LRBA: variants seen among roughly 807,000 people sequenced by gnomAD.
The protein encoded by LRBA is lipopolysaccharide-responsive and beige-like anchor protein.
LRBA carries 176 observed loss-of-function variants against 330.0 expected under a neutral mutation model. The ratio of observed to expected loss-of-function variants is 0.53; its 90% CI spans 0.47 to 0.60. LRBA has a LOEUF of 0.60. LRBA is among the 20% of genes least tolerant of loss of function. The probability of loss-of-function intolerance (pLI) is 0.00; values close to 1 mark genes in which losing one functional copy is unlikely to be tolerated. For missense variants in LRBA, 3,259 were observed against 3,444.8 expected (o/e 0.95, Z 1.35); for synonymous variants, 1,230 against 1,193.0 (o/e 1.03, Z -0.64).
intron 37 of LRBA, among the ~76,000 whole-genome samples, chr4:150,651,619 GT>G (rs1779716830): frequency 6.6e-6 from 1 of 151,684 alleles, no homozygotes; most frequent in African/African-American, 2.4e-5. Flanking sequence ...GTTCCTAACT[GT>G]ATCAGAGCAC....
chr4:150,829,243 G>A (rs985776409), intron 29 of LRBA, among the ~76,000 whole-genome samples: 2 of 151,988 alleles, frequency 1.3e-5, no homozygotes, highest in Admixed American at 6.6e-5. Context: ...GCCCAAGTCC[G>A]CAATCTTTAG....
intron 35 of LRBA, 41 bp from the exon 36 acceptor site, chr4:150,735,407 C>T (rs1442880389): frequency 1.6e-6 from 2 of 1,244,966 alleles, no homozygotes; most frequent in Non-Finnish European, 2.4e-6. Flanking sequence ...TATGTATACA[C>T]ACACAACATA....
chr4:150,741,371 G>T (rs1271788211), intron 35 of LRBA, among the ~76,000 whole-genome samples: 1 of 152,052 alleles, frequency 6.6e-6, no homozygotes, highest in Non-Finnish European at 1.5e-5. Context: ...CTTCACAAAA[G>T]AAGATTTCCA....
chr4:150,683,804 A>T, intron 36 of LRBA, 87 bp from the exon 37 acceptor site: 1 of 984,258 alleles, frequency 1.0e-6, no homozygotes, highest in Non-Finnish European at 1.5e-6. Context: ...CTAAATCAAA[A>T]CAACCAAAAT....
At chr4:150,958,999 C>T (rs913063285) in intron 2 of LRBA, among the ~76,000 whole-genome samples, 2 of 149,438 alleles carry the variant, frequency 1.3e-5, no homozygotes, top group Admixed American at 6.6e-5. Flanking sequence ...GTAACTTCCA[C>T]ATTTTCAGGT....
chr4:150,814,903 G>A (rs984210459), intron 31 of LRBA, among the ~76,000 whole-genome samples: 2 of 151,784 alleles, frequency 1.3e-5, no homozygotes, highest in African/African-American at 4.8e-5. Flanking sequence ...GAATTTATTG[G>A]AAAAAATACA....
At chr4:150,299,510 C>T (rs1045269270) in intron 53 of LRBA, among the ~76,000 whole-genome samples, 1 of 151,834 alleles carries the variant, frequency 6.6e-6, no homozygotes, top group African/African-American at 2.4e-5. Context: ...GGCTGAGAAG[C>T]GATGTATTTA....
intron 2 of LRBA, among the ~76,000 whole-genome samples, chr4:151,006,476 A>C (rs763561968): frequency 6.6e-5 from 10 of 152,150 alleles, no homozygotes; most frequent in Non-Finnish European, 1.5e-4. Context: ...TACAAAGATA[A>C]ATAAAATACC....
intron 2 of LRBA, 56 bp from the exon 3 acceptor site, chr4:150,929,121 T>C (rs889862752): frequency 1.0e-5 from 11 of 1,067,228 alleles, no homozygotes; most frequent in Admixed American, 2.0e-5. Flanking sequence ...AATATCACTA[T>C]AGCATGTTCC....
intron 40 of LRBA, among the ~76,000 whole-genome samples, chr4:150,587,570 T>C (rs1211581448): frequency 6.6e-6 from 1 of 152,210 alleles, no homozygotes; most frequent in Admixed American, 6.5e-5. Flanking sequence ...TAAAATCTAC[T>C]ATAGGTAATG....
chr4:150,902,835 G>T (rs1730897923), intron 13 of LRBA, among the ~76,000 whole-genome samples: 1 of 152,080 alleles, frequency 6.6e-6, no homozygotes, highest in East Asian at 1.9e-4. Context: ...GGAAGTGGTG[G>T]GATTCTATTT....
At chr4:150,749,760 A>G (rs375182610) in intron 35 of LRBA, among the ~76,000 whole-genome samples, 2 of 152,140 alleles carry the variant, frequency 1.3e-5, no homozygotes, top group South Asian at 4.1e-4. Context: ...TCAAAAACAA[A>G]ACAAACAAAT....
chr4:151,006,529 G>T (rs1186335820), intron 2 of LRBA, among the ~76,000 whole-genome samples: 1 of 151,962 alleles, frequency 6.6e-6, no homozygotes, highest in Non-Finnish European at 1.5e-5. Flanking sequence ...AAAATGCATT[G>T]TGGACATTTC....
At chr4:150,579,319 C>G (rs1345172092) in intron 40 of LRBA, 2 of 454,788 alleles carry the variant, frequency 4.4e-6, no homozygotes, top group South Asian at 3.1e-5. Flanking sequence ...ACCGCAAAGG[C>G]GCAGCTGAAG....
intron 37 of LRBA, among the ~76,000 whole-genome samples, chr4:150,642,583 G>A (rs1036117542): frequency 6.6e-6 from 1 of 151,696 alleles, no homozygotes; most frequent in Non-Finnish European, 1.5e-5. Flanking sequence ...TTAGATGAAG[G>A]GTTATGTGAA....
chr4:150,928,335 A>G (rs1379885555), intron 4 of LRBA, among the ~76,000 whole-genome samples, 181 bp downstream of exon 4: 2 of 152,214 alleles, frequency 1.3e-5, no homozygotes, highest in African/African-American at 4.8e-5. Context: ...CCATTATCTT[A>G]GTGCATACTC....
At chr4:150,422,891 G>T in intron 46 of LRBA, 1 of 906,480 alleles carries the variant, frequency 1.1e-6, no homozygotes, top group Non-Finnish European at 1.9e-6. Context: ...GAGGCACTCA[G>T]GACTGAACCA....
chr4:150,900,027 T>C (rs1449314289), intron 14 of LRBA, 22 bp downstream of exon 14: 3 of 1,574,138 alleles, frequency 1.9e-6, no homozygotes, highest in African/African-American at 2.7e-5. Context: ...TGTAAAGTAA[T>C]ATACAGACAG....
chr4:150,585,367 T>C (rs534000122), intron 40 of LRBA, among the ~76,000 whole-genome samples: 274 of 152,332 alleles, frequency 1.8e-3, no homozygotes, highest in South Asian at 3.3e-3. Context: ...AAACTGCTTA[T>C]ATGCAATTCA....
Sources: allele counts gnomAD v4.1 joint callset (sites outside exome capture counted in the v4.1 genomes callset), GRCh38; gene constraint gnomAD v4.1.1; transcripts MANE v1.5; gene names NCBI Gene and HGNC (gene_info 2026-07-23, HGNC 2026-07-21).